Variants in SGCD observed in about 807,000 individuals in gnomAD.
The protein encoded by SGCD is delta-sarcoglycan.
A neutral mutation model predicts 36.6 loss-of-function variants in SGCD; 18 were observed. The observed-to-expected ratio is 0.49, with a 90% CI of 0.34 to 0.73. The LOEUF (loss-of-function observed/expected upper bound fraction) is 0.73. Ranked by LOEUF, SGCD falls within the 30% of genes least tolerant of loss-of-function variation. The pLI is 0.01. For missense variants in SGCD, 387 were observed against 346.7 expected (o/e 1.12, Z -0.92); for synonymous variants, 133 against 130.6 (o/e 1.02, Z -0.12).
At chr5:156,429,542 T>C (rs904788109) in intron 3 of SGCD, among the ~76,000 whole-genome samples, 3 of 151,922 alleles carry the variant, frequency 2.0e-5, no homozygotes, top group African/African-American at 7.2e-5. Flanking sequence ...GGTCCCTTTA[T>C]ATTCATAATG....
chr5:155,743,907 G>A, the SGCD span, among the ~76,000 whole-genome samples: 1 of 152,168 alleles, frequency 6.6e-6, no homozygotes, highest in Non-Finnish European at 1.5e-5. Flanking sequence ...CAAGATTCCT[G>A]CAAGAACTCA....
chr5:156,365,340 C>T (rs1454293193), intron 3 of SGCD, among the ~76,000 whole-genome samples: 1 of 152,194 alleles, frequency 6.6e-6, no homozygotes, highest in Non-Finnish European at 1.5e-5. Context: ...TGGGAGGCGT[C>T]TTCATGAACC....
intron 7 of SGCD, among the ~76,000 whole-genome samples, chr5:156,727,579 A>ATGTT (rs1755840846): frequency 1.3e-5 from 2 of 152,244 alleles, no homozygotes; most frequent in Non-Finnish European, 2.9e-5. Flanking sequence ...GGCAAAAATA[A>ATGTT]TGTTAGAATA....
chr5:156,328,350 G>A (rs1334685932), intron 1 of SGCD, among the ~76,000 whole-genome samples: 1 of 152,182 alleles, frequency 6.6e-6, no homozygotes, highest in African/African-American at 2.4e-5. Context: ...TTTTCCGAAC[G>A]GGGCTTGGCC....
intron 3 of SGCD, among the ~76,000 whole-genome samples, chr5:156,419,180 A>G (rs1232295680): frequency 6.6e-6 from 1 of 152,176 alleles, no homozygotes; most frequent in Non-Finnish European, 1.5e-5. Flanking sequence ...ATTTGACCAC[A>G]TGGGTTCACT....
chr5:155,808,842 A>G, the SGCD span, among the ~76,000 whole-genome samples: 2 of 152,226 alleles, frequency 1.3e-5, no homozygotes, highest in Non-Finnish European at 2.9e-5. Flanking sequence ...GATGGTAGAA[A>G]TGATGTATGT....
In SGCD at chr5:156,282,873, A is replaced by G. The variant is rs1225719144; in HGVS notation, c.-43-46661A>G. 5.3e-5 allele frequency among the ~76,000 whole-genome samples: 8 copies of G among 152,314 alleles called. No individual in the cohort carries two copies. The East Asian group carries it at 1.5e-3, about 29-fold the overall frequency. ...TGAATATTTATAATTTAAAATATGC[A>G]TTTTAGTTTAATAAAAATACGTGAT... is the stretch of plus-strand genomic sequence containing the variant. On this transcript the variant is annotated intron_variant, in intron 3 of 9. Transcript: ENST00000517913.
At chr5:156,156,046 T>A (rs1762954088) in intron 3 of SGCD, among the ~76,000 whole-genome samples, 1 of 151,730 alleles carries the variant, frequency 6.6e-6, no homozygotes, top group Admixed American at 6.6e-5. Context: ...CTTTTCTACA[T>A]TTACCAGAGT....
chr5:156,294,701 A>G (rs1359859516), intron 3 of SGCD, among the ~76,000 whole-genome samples: 2 of 152,034 alleles, frequency 1.3e-5, no homozygotes, highest in Admixed American at 6.6e-5. Context: ...AAGGTGTTGA[A>G]TTTTGTCAAA....
chr5:155,984,935 C>A (rs974866078), intron 1 of SGCD, among the ~76,000 whole-genome samples: 33 of 152,208 alleles, frequency 2.2e-4, no homozygotes, highest in African/African-American at 8.0e-4. Flanking sequence ...TTTTGCTCAT[C>A]ACTATGAGAT....
intron 1 of SGCD, among the ~76,000 whole-genome samples, chr5:155,939,795 T>C (rs1757287058): frequency 6.6e-6 from 1 of 151,552 alleles, no homozygotes; most frequent in Non-Finnish European, 1.5e-5. Context: ...CTGAAGAGAC[T>C]CTTATTACAT....
intron 3 of SGCD, among the ~76,000 whole-genome samples, chr5:156,477,586 T>G (rs1561721370): frequency 6.6e-6 from 1 of 151,510 alleles, no homozygotes; most frequent in Non-Finnish European, 1.5e-5. Flanking sequence ...TTCTGTCTCA[T>G]GAGGGACTTT....
chr5:155,932,268 T>C (rs751474301), intron 1 of SGCD, among the ~76,000 whole-genome samples: 1 of 152,198 alleles, frequency 6.6e-6, no homozygotes, highest in Non-Finnish European at 1.5e-5. Flanking sequence ...ATATATTTAA[T>C]TGAGTAATTA....
At chr5:155,970,806 G>T (rs1757993197) in intron 1 of SGCD, among the ~76,000 whole-genome samples, 1 of 152,152 alleles carries the variant, frequency 6.6e-6, no homozygotes, top group Admixed American at 6.6e-5. Context: ...GATGCTTAAG[G>T]CTAAGTAATA....
At chr5:156,754,309 A>G (rs1366518321) in intron 7 of SGCD, among the ~76,000 whole-genome samples, 6 of 152,272 alleles carry the variant, frequency 3.9e-5, no homozygotes, top group African/African-American at 1.4e-4. Context: ...TCACCAAACT[A>G]TTCTGTTTAT....
intron 1 of SGCD, among the ~76,000 whole-genome samples, chr5:156,106,683 T>C (rs1164215040): frequency 6.6e-6 from 1 of 152,152 alleles, no homozygotes; most frequent in African/African-American, 2.4e-5. Context: ...CTAATAAAAG[T>C]AGGATTTCAG....
intron 1 of SGCD, among the ~76,000 whole-genome samples, chr5:155,903,231 C>T (rs1256601501): frequency 3.3e-5 from 5 of 151,920 alleles, no homozygotes; most frequent in Admixed American, 2.0e-4. Context: ...TTTTCTTTTT[C>T]TCTCTCTAAT....
intron 3 of SGCD, among the ~76,000 whole-genome samples, chr5:156,453,798 G>T (rs1754131669): frequency 6.6e-6 from 1 of 152,154 alleles, no homozygotes; most frequent in Non-Finnish European, 1.5e-5. Context: ...TCAGCAAACT[G>T]CTGATACATG....
chr5:156,684,068 G>A (rs1359398191), intron 7 of SGCD, among the ~76,000 whole-genome samples: 1 of 152,076 alleles, frequency 6.6e-6, no homozygotes, highest in African/African-American at 2.4e-5. Flanking sequence ...ATTCCCATGT[G>A]GTACTAAGTA....
Sources: gnomAD v4.1 joint callset for allele counts (sites outside exome capture counted in the v4.1 genomes callset) on GRCh38, gnomAD v4.1.1 for gene constraint, MANE v1.5 for transcripts, NCBI Gene and HGNC (gene_info 2026-07-23, HGNC 2026-07-21) for gene names.